The following TTC4 variants were observed in gnomAD, a reference collection of about 807,000 sequenced individuals.
TTC4 encodes tetratricopeptide repeat domain 4.
In TTC4, 36 loss-of-function variants were observed where a neutral mutation model predicts 51.9. The ratio of observed to expected loss-of-function variants is 0.69; its 90% CI spans 0.53 to 0.92. The LOEUF (loss-of-function observed/expected upper bound fraction) is 0.92, where lower values mean the gene tolerates loss of function less well. Among genes scored for constraint, TTC4 ranks in the 40% least tolerant of loss-of-function variants. The probability of loss-of-function intolerance (pLI) is 0.00; values close to 1 mark genes in which losing one functional copy is unlikely to be tolerated. For synonymous variants in TTC4, 144 were observed against 164.2 expected, an observed-to-expected ratio of 0.88 and a Z score of 0.94; for missense variants, 399 against 454.6, an observed-to-expected ratio of 0.88 and a Z score of 1.11.
chr1:54,733,763 T>C, intron 8 of TTC4, 53 bp downstream of exon 8: 2 of 1,196,756 alleles, frequency 1.7e-6, no homozygotes, highest in East Asian at 2.6e-5. Context: ...TTTTTTTTTT[T>C]TTTTTTTTTT....
At chr1:54,732,495 G>C (rs1645879585) in intron 7 of TTC4, among the ~76,000 whole-genome samples, 1 of 145,308 alleles carries the variant, frequency 6.9e-6, no homozygotes, top group African/African-American at 2.6e-5. Flanking sequence ...GTCTCGCTCT[G>C]TTGCCCAGGC....
chr1:54,723,730 G>A (rs1168807898), intron 5 of TTC4, among the ~76,000 whole-genome samples: 3 of 152,176 alleles, frequency 2.0e-5, no homozygotes, highest in African/African-American at 4.8e-5. Context: ...ATGGTTTAAC[G>A]TAAGGAATGT....
chr1:54,721,374 A>C (rs1374688714), intron 4 of TTC4, 134 bp downstream of exon 4: 3 of 684,430 alleles, frequency 4.4e-6, no homozygotes, highest in South Asian at 2.4e-5. Flanking sequence ...TGCCACTTTT[A>C]AAAGAATTCC....
At chr1:54,722,856 C>T in intron 5 of TTC4, 57 bp downstream of exon 5, 1 of 1,591,698 alleles carries the variant, frequency 6.3e-7, no homozygotes, top group Non-Finnish European at 8.5e-7. Flanking sequence ...TTAGCATTCC[C>T]AAGATTGTGT....
Position 54,717,628 on chromosome 1 carries a change from C to T in TTC4, c.366C>T (p.Asn122=). The T allele has an allele frequency of 1.2e-6, 2 of 1,605,986 alleles. No homozygotes were observed. The highest frequency in any genetic ancestry group is 1.7e-6 in the Non-Finnish European group (2 of 1,177,028). Residue 122 remains asparagine, a synonymous_variant, in exon 3 of 10, where the codon AAC becomes AAT. Coordinates refer to ENST00000371281, the MANE Select transcript of TTC4 (RefSeq NM_004623.5). Reference sequence around the variant, plus strand: ...ATTTGAATGCTGTCCTTTATACCAACCGGGCAGCAGCACAGTACTATCTGG... The same window carrying T: ...ATTTGAATGCTGTCCTTTATACCAATCGGGCAGCAGCACAGTACTATCTGG... ...DPDLNAVLYT[N]RAAAQYYLGN...
chr1:54,716,091 G>A, intron 1 of TTC4, 72 bp downstream of exon 1: 3 of 1,239,554 alleles, frequency 2.4e-6, no homozygotes, highest in Non-Finnish European at 3.5e-6. Flanking sequence ...GGGCTCTGGG[G>A]CACCTCCTTC....
At chr1:54,737,421 G>A (rs892376304) in intron 8 of TTC4, 161 bp from the exon 9 acceptor site, 1 of 588,934 alleles carries the variant, frequency 1.7e-6, no homozygotes, top group African/African-American at 1.9e-5. Flanking sequence ...ACAGTGGCAT[G>A]GCGGGGGGGT....
At chr1:54,737,922 TG>T (rs760304918) in intron 9 of TTC4, among the ~76,000 whole-genome samples, 7 of 151,970 alleles carry the variant, frequency 4.6e-5, no homozygotes, top group Non-Finnish European at 1.0e-4. Flanking sequence ...TTTTTTGAGA[TG>T]GAGTTTTGCT....
rs1046552111 is a variant in TTC4 at position 54,733,656 on chromosome 1, T to C, written c.924T>C (p.Phe308=). The C allele has an allele frequency of 1.9e-6, 3 of 1,604,532 alleles. No individual in the cohort carries two copies. Among genetic ancestry groups the C allele is most frequent in the African/African-American group, 2.7e-5 (2 of 74,676 alleles). The change falls in exon 8 of 10, where the codon TTT becomes TTC. Residue 308 remains phenylalanine (F), a synonymous_variant. Transcript: ENST00000371281. ...SRFIDHLMVM[F]GETPSWDLEQ... ...TTATTGATCATCTAATGGTGATGTT[T>C]GGTGAAACACCCTCTTGGGACCTAG...
chr1:54,723,053 C>T (rs776309481), intron 5 of TTC4, among the ~76,000 whole-genome samples: 3 of 152,084 alleles, frequency 2.0e-5, no homozygotes, highest in Non-Finnish European at 2.9e-5. Context: ...GATGGAACTC[C>T]GTATATATTA....
At chr1:54,720,061 G>T (rs182989612) in intron 3 of TTC4, among the ~76,000 whole-genome samples, 35 of 152,116 alleles carry the variant, frequency 2.3e-4, no homozygotes, top group African/African-American at 8.0e-4. Flanking sequence ...ACCATGCCCA[G>T]CTAATTTTTA....
rs764293777 is a variant in TTC4, at chr1:54,715,980, G to A, written c.72G>A (p.Gln24=). 1.2e-6 allele frequency: 2 copies of A among 1,602,032 alleles called. No homozygotes were observed. The highest frequency in any genetic ancestry group is 4.5e-5 in the East Asian group (2 of 44,124). ...CGTTCCTGGAAAAGTTCCAGAGCCAGCCTTACCGTGGCGGCTTTCATGAGG... is the reference window on the plus strand; with the variant it reads ...CGTTCCTGGAAAAGTTCCAGAGCCAACCTTACCGTGGCGGCTTTCATGAGG... ...MDSFLEKFQS[Q]PYRGGFHEDQ... Residue 24 remains glutamine, a synonymous_variant, in exon 1 of 10, where the codon CAG becomes CAA. Coordinates refer to ENST00000371281, the MANE Select transcript of TTC4 (RefSeq NM_004623.5).
At position 54,732,995 on chromosome 1, in the gene TTC4, G is replaced by A. The variant is rs146895554; in HGVS notation, c.897-634G>A. Among the ~76,000 whole-genome samples, 16 of 151,622 alleles carry A rather than the reference G, an allele frequency of 1.1e-4. No individual in the cohort carries two copies. In the East Asian group the frequency reaches 2.4e-3, roughly 22 times the overall value. ...CCAGCTGTCTGGGAGCCTGGGGCAC[G>A]AGAATCACTTGAACCCAGAAGGTGA... On this transcript the variant is annotated intron_variant, in intron 7 of 9. Coordinates refer to ENST00000371281, the MANE Select transcript of TTC4 (RefSeq NM_004623.5).
At position 54,733,666 on chromosome 1, in the gene TTC4, C is replaced by A. The variant is rs758622427; in HGVS notation, c.934C>A (p.Pro312Thr). Residue 312 changes from proline (P) to threonine (T), a missense_variant, in exon 8 of 10, where the codon CCC (proline) becomes ACC (threonine). By Grantham distance (38) the Pro-to-Thr change is conservative (BLOSUM62 -1). Coordinates refer to ENST00000371281, the MANE Select transcript of TTC4 (RefSeq NM_004623.5). Reference protein sequence around the residue: ...DHLMVMFGETPSWDLEQKYCP... With the variant: ...DHLMVMFGETTSWDLEQKYCP... ...TCTAATGGTGATGTTTGGTGAAACACCCTCTTGGGACCTAGAGCAAAAATA... is the reference window on the plus strand; with the variant it reads ...TCTAATGGTGATGTTTGGTGAAACAACCTCTTGGGACCTAGAGCAAAAATA... The A allele has an allele frequency of 6.2e-7, 1 of 1,603,656 alleles. No homozygotes were observed. The highest frequency in any genetic ancestry group is 8.5e-7 in the Non-Finnish European group (1 of 1,174,422).
chr1:54,716,689 TA>T lies in TTC4; in HGVS notation c.202del (p.Ile68PhefsTer32), dbSNP rs747816953. On this transcript the variant is annotated frameshift_variant, in exon 2 of 10. Transcript: ENST00000371281. LOFTEE classifies it high-confidence loss of function. The part of the protein sequence containing the change: ...NPDLACLQSI[I>X]FDEERSPEEQ... Reference sequence around the variant, plus strand: ...CTGACTTGGCTTGTCTCCAGTCAATTATTTTTGATGAGGAGCGTTCTCCAGA... The same window carrying T: ...CTGACTTGGCTTGTCTCCAGTCAATTTTTTTGATGAGGAGCGTTCTCCAGA... The T allele has an allele frequency of 5.0e-6, 8 of 1,613,100 alleles. No homozygotes were observed. In the Admixed American group the frequency reaches 1.2e-4, roughly 24 times the overall value.
Position 54,737,637 on chromosome 1 carries a change from C to T in TTC4, c.1034C>T (p.Thr345Ile), listed in dbSNP as rs556848572. ...AELYRVPAKS[T>I]LLQVLQHQRY... ...CTATACCGGGTGCCTGCCAAGAGCA[C>T]CTTGCTACAGGTTCTACAGCACCAG... Residue 345 changes from threonine to isoleucine, a missense_variant, in exon 9 of 10, where the codon ACC becomes ATC. Transcript: ENST00000371281. The T allele has an allele frequency of 2.5e-6, 4 of 1,613,122 alleles. No individual in the cohort carries two copies. In the African/African-American group the frequency reaches 4.0e-5, roughly 16 times the overall value.
intron 9 of TTC4, among the ~76,000 whole-genome samples, chr1:54,739,404 G>A (rs993371690): frequency 1.3e-5 from 2 of 152,150 alleles, no homozygotes; most frequent in African/African-American, 2.4e-5. Flanking sequence ...CTGCCTCTCT[G>A]GGACTGCCGC....
At chr1:54,717,200 TA>T (rs1356911815) in intron 2 of TTC4, among the ~76,000 whole-genome samples, 1 of 152,080 alleles carries the variant, frequency 6.6e-6, no homozygotes, top group Non-Finnish European at 1.5e-5. Context: ...CTTCAGTGAT[TA>T]AAAAAAATTC....
chr1:54,728,145 A>G (rs1335009161), intron 5 of TTC4, among the ~76,000 whole-genome samples: 1 of 152,146 alleles, frequency 6.6e-6, no homozygotes, highest in East Asian at 1.9e-4. Flanking sequence ...CAGGAAGTAA[A>G]TTTAAACTGC....
Sources: gnomAD v4.1 joint callset for allele counts (sites outside exome capture counted in the v4.1 genomes callset) on GRCh38, gnomAD v4.1.1 for gene constraint, MANE v1.5 for transcripts, NCBI Gene and HGNC (gene_info 2026-07-23, HGNC 2026-07-21) for gene names.